Variants in IQSEC1 observed in about 807,000 individuals in gnomAD.
IQSEC1 encodes the protein IQ motif and SEC7 domain-containing protein 1.
IQSEC1 carries 31 observed loss-of-function variants against 91.0 expected under a neutral mutation model. The ratio of observed to expected loss-of-function variants is 0.34; its 90% CI spans 0.26 to 0.46. IQSEC1 has a LOEUF of 0.46. Among genes scored for constraint, IQSEC1 ranks in the 20% least tolerant of loss-of-function variants. IQSEC1 has a pLI of 1.00. For synonymous variants in IQSEC1, 699 were observed against 662.6 expected (o/e 1.05, Z -0.84); for missense variants, 1,388 against 1,575.6 (o/e 0.88, Z 2.02).
intron 1 of IQSEC1, among the ~76,000 whole-genome samples, chr3:13,262,162 G>A (rs67774633): frequency 0.084 from 12,733 of 152,202 alleles, 1,076 homozygotes; most frequent in African/African-American, 0.22. Flanking sequence ...CCAGGTGAAC[G>A]GGGTCAGTCC....
chr3:13,238,296 A>C (rs1363467158), intron 1 of IQSEC1, among the ~76,000 whole-genome samples: 1 of 152,064 alleles, frequency 6.6e-6, no homozygotes, highest in Non-Finnish European at 1.5e-5. Context: ...AGTCCAGACC[A>C]CGCACAGCAA....
At chr3:13,125,371 G>A (rs1452248416) in intron 2 of IQSEC1, among the ~76,000 whole-genome samples, 6 of 152,182 alleles carry the variant, frequency 3.9e-5, no homozygotes, top group African/African-American at 1.4e-4. Context: ...GCTGCTCTCT[G>A]TCATTGCTCC....
At chr3:13,144,794 C>A (rs761369838) in intron 2 of IQSEC1, among the ~76,000 whole-genome samples, 1 of 152,194 alleles carries the variant, frequency 6.6e-6, no homozygotes, top group Non-Finnish European at 1.5e-5. Flanking sequence ...AGCCCAGGAG[C>A]TCTGCTGAGA....
chr3:13,079,007 C>T (rs1327233068), intron 2 of IQSEC1, among the ~76,000 whole-genome samples: 1 of 152,256 alleles, frequency 6.6e-6, no homozygotes, highest in African/African-American at 2.4e-5. Flanking sequence ...CACCAATAAA[C>T]ATTCAAAGAA....
intron 2 of IQSEC1, among the ~76,000 whole-genome samples, chr3:13,142,588 T>C (rs1706819494): frequency 6.6e-6 from 1 of 152,212 alleles, no homozygotes; most frequent in Admixed American, 6.5e-5. Flanking sequence ...ATCTACAAAC[T>C]ACAGCCTGTA....
intron 1 of IQSEC1, among the ~76,000 whole-genome samples, chr3:13,000,148 G>C (rs1451351808): frequency 6.6e-6 from 1 of 152,054 alleles, no homozygotes; most frequent in African/African-American, 2.4e-5. Flanking sequence ...CAAAAAAAAT[G>C]AACAACTCAA....
chr3:13,057,179 G>C (rs1326491557), intron 1 of IQSEC1, among the ~76,000 whole-genome samples: 1 of 152,154 alleles, frequency 6.6e-6, no homozygotes, highest in African/African-American at 2.4e-5. Context: ...CCACACTCTT[G>C]AACTCACTCT....
intron 1 of IQSEC1, among the ~76,000 whole-genome samples, chr3:13,240,750 CTG>C (rs2125102572): frequency 6.6e-6 from 1 of 152,332 alleles, no homozygotes; most frequent in South Asian, 2.1e-4. Context: ...TGAACGAAAT[CTG>C]GGCTCCATGA....
intron 1 of IQSEC1, among the ~76,000 whole-genome samples, chr3:12,972,290 T>TGACA (rs1197869291): frequency 6.6e-6 from 1 of 151,424 alleles, no homozygotes; most frequent in Non-Finnish European, 1.5e-5. Context: ...CCTGCCTGGA[T>TGACA]GACAGACTGA....
chr3:12,912,227 G>A (rs1695628508), intron 9 of IQSEC1, among the ~76,000 whole-genome samples: 1 of 152,230 alleles, frequency 6.6e-6, no homozygotes, highest in African/African-American at 2.4e-5. Flanking sequence ...TGCTATTCTG[G>A]TCTACAGTAG....
intron 1 of IQSEC1, chr3:13,015,566 G>C (rs1029868617): frequency 1.0e-6 from 1 of 985,254 alleles, no homozygotes; most frequent in Admixed American, 6.1e-5. Flanking sequence ...GGGCCAGGTG[G>C]GTGGTACTCA....
chr3:13,018,002 A>C (rs1703221429), intron 1 of IQSEC1, among the ~76,000 whole-genome samples: 1 of 152,138 alleles, frequency 6.6e-6, no homozygotes, highest in South Asian at 2.1e-4. Flanking sequence ...AGCCTCAGGG[A>C]GTCCTGGTCT....
At position 12,908,215 on chromosome 3, in the gene IQSEC1, C is replaced by T. The variant is rs1238299754; in HGVS notation, c.2755+134G>A. 5.2e-5 allele frequency: 46 copies of T among 884,652 alleles called. No individual in the cohort carries two copies. Among genetic ancestry groups the T allele is most frequent in the East Asian group, 7.9e-5 (3 of 37,806 alleles). 54.8% of individuals were successfully genotyped at this position (884,652 alleles called of 1,614,324 possible). ...GTATGTCACACGCTGCTCTGCTTTG[C>T]GGAAGGTCAGGGGAAATGCCGCACT... On this transcript the variant is annotated intron_variant, in intron 12 of 13. Transcript: ENST00000613206. The surrounding 1 kb of genome is among the most constrained non-coding windows in gnomAD (Gnocchi z 4.9).
At chr3:13,071,909 A>G (rs1576235945) in intron 1 of IQSEC1, among the ~76,000 whole-genome samples, 1 of 151,132 alleles carries the variant, frequency 6.6e-6, no homozygotes, top group East Asian at 2.0e-4. Context: ...GCCGCCTGGC[A>G]CTGCTGACGC....
chr3:12,967,641 G>A lies in IQSEC1; in HGVS notation c.24-25776C>T. 8.2e-7 allele frequency: 1 copy of A among 1,218,774 alleles called. No individual in the cohort carries two copies. The highest frequency in any genetic ancestry group is 1.0e-6 in the Non-Finnish European group (1 of 980,358). The allele number at this position is 1,218,774 out of a possible 1,614,324, so 75.5% of individuals were successfully genotyped here. ...CCGGCTCCCGCGGCTCCGGCCCCAA[G>A]TCCGAGCCCCAGGCCAGCCAAGCCC... On this transcript the variant is annotated intron_variant, in intron 1 of 13. Coordinates refer to ENST00000613206, the MANE Select transcript of IQSEC1 (RefSeq NM_001134382.3). The surrounding 1 kb of genome is among the most constrained non-coding windows in gnomAD (Gnocchi z 5.9).
chr3:13,093,427 A>G (rs1432868436), intron 2 of IQSEC1, among the ~76,000 whole-genome samples: 1 of 151,986 alleles, frequency 6.6e-6, no homozygotes, highest in Non-Finnish European at 1.5e-5. Flanking sequence ...GCCCCAGGGG[A>G]GACCATTAGG....
intron 1 of IQSEC1, among the ~76,000 whole-genome samples, chr3:12,972,564 T>TGTTACC: frequency 6.6e-6 from 1 of 152,356 alleles, no homozygotes. Flanking sequence ...ACCACCACTA[T>TGTTACC]GTTACCATTC....
intron 1 of IQSEC1, 56 bp from the exon 2 acceptor site, chr3:12,941,921 AC>A: frequency 6.8e-7 from 1 of 1,467,814 alleles, no homozygotes; most frequent in South Asian, 1.3e-5. Context: ...TGAACACGAC[AC>A]CGGGCCGTGG....
chr3:13,015,467 G>T, intron 1 of IQSEC1: 1 of 656,248 alleles, frequency 1.5e-6, no homozygotes, highest in South Asian at 6.7e-5. Flanking sequence ...AAACTCTGAC[G>T]ACAGCCCCCA....
Sources: allele counts gnomAD v4.1 joint callset (sites outside exome capture counted in the v4.1 genomes callset), GRCh38; gene constraint gnomAD v4.1.1; non-coding constraint Gnocchi (gnomAD v3.1); transcripts MANE v1.5; gene names NCBI Gene and HGNC (gene_info 2026-07-23, HGNC 2026-07-21).